RBFOX1: variants seen among roughly 807,000 people sequenced by gnomAD.
RBFOX1 encodes the protein RNA binding fox-1 homolog 1.
Under a neutral mutation model 57.7 loss-of-function variants are expected in RBFOX1, and 8 were observed. The observed-to-expected ratio is 0.14, with a 90% CI of 0.08 to 0.25. RBFOX1 has a LOEUF of 0.25. Ranked by LOEUF, RBFOX1 falls within the 10% of genes least tolerant of loss-of-function variation. The probability of loss-of-function intolerance (pLI) is 1.00; values close to 1 mark genes in which losing one functional copy is unlikely to be tolerated. For synonymous variants in RBFOX1, 326 were observed against 222.4 expected, an observed-to-expected ratio of 1.47 and a Z score of -4.15; for missense variants, 611 against 548.5, an observed-to-expected ratio of 1.11 and a Z score of -1.14.
chr16:6,277,876 A>T (rs955883248), intron 1 of RBFOX1, among the ~76,000 whole-genome samples: 7 of 152,032 alleles, frequency 4.6e-5, no homozygotes, highest in African/African-American at 1.7e-4. Context: ...TTGAGTCATG[A>T]TTCTGTAAAG....
chr16:6,128,051 C>G (rs2096602850), intron 1 of RBFOX1, among the ~76,000 whole-genome samples: 1 of 152,122 alleles, frequency 6.6e-6, no homozygotes, highest in African/African-American at 2.4e-5. Context: ...GCACATGTGA[C>G]TTCTCAGTAC....
At chr16:6,772,497 C>T (rs373711342) in intron 3 of RBFOX1, among the ~76,000 whole-genome samples, 1 of 141,334 alleles carries the variant, frequency 7.1e-6, no homozygotes, top group Admixed American at 7.0e-5. Context: ...GTATGGGGTG[C>T]GTTTGTGTTT....
intron 3 of RBFOX1, among the ~76,000 whole-genome samples, chr16:5,722,200 C>G (rs1204097972): frequency 6.6e-6 from 1 of 152,178 alleles, no homozygotes; most frequent in East Asian, 1.9e-4. Flanking sequence ...TTGTTAATTA[C>G]AGTATTTAAC....
chr16:6,991,109 C>G (rs921046163), intron 3 of RBFOX1, among the ~76,000 whole-genome samples: 27 of 131,056 alleles, frequency 2.1e-4, no homozygotes, highest in African/African-American at 7.9e-4. Flanking sequence ...CGAGGCCATC[C>G]TAGGCAACGT....
chr16:6,171,181 C>T, intron 1 of RBFOX1, among the ~76,000 whole-genome samples: 1 of 152,230 alleles, frequency 6.6e-6, no homozygotes, highest in East Asian at 1.9e-4. Flanking sequence ...TCCCTCTCTC[C>T]TTCTTTGTCT....
chr16:7,237,069 A>G (rs1378238879), intron 4 of RBFOX1, among the ~76,000 whole-genome samples: 1 of 152,172 alleles, frequency 6.6e-6, no homozygotes, highest in Non-Finnish European at 1.5e-5. Context: ...AGAGGTAGAG[A>G]GCTGTGTGGG....
At chr16:5,937,833 A>G (rs1432975036) in intron 4 of RBFOX1, among the ~76,000 whole-genome samples, 1 of 150,804 alleles carries the variant, frequency 6.6e-6, no homozygotes, top group South Asian at 2.1e-4. Flanking sequence ...CATAGTATAC[A>G]TACATATATA....
intron 4 of RBFOX1, among the ~76,000 whole-genome samples, chr16:5,891,145 C>T (rs2058036380): frequency 6.6e-6 from 1 of 152,172 alleles, no homozygotes; most frequent in Non-Finnish European, 1.5e-5. Flanking sequence ...TGCCTCTCTA[C>T]CCTCCTTAGG....
rs144478094 is a variant in RBFOX1 at position 6,288,861 on chromosome 16, G to A, written c.-126-28134G>A. ...CTGAATTGAATAGGGTTGGAATTCTGGATCTAAGGTCTAGTGGAACCAACA... is the reference window on the plus strand; with the variant it reads ...CTGAATTGAATAGGGTTGGAATTCTAGATCTAAGGTCTAGTGGAACCAACA... On this transcript the variant is annotated intron_variant, in intron 1 of 15. Coordinates refer to ENST00000550418, the MANE Select transcript of RBFOX1 (RefSeq NM_018723.4). Among the ~76,000 whole-genome samples the A allele has an allele frequency of 6.4e-4, 98 of 152,138 alleles. 1 individual carries two copies. The highest frequency in any genetic ancestry group is 2.3e-3 in the African/African-American group (97 of 41,514).
At chr16:5,862,055 G>C (rs1013762998) in intron 3 of RBFOX1, among the ~76,000 whole-genome samples, 24 of 152,152 alleles carry the variant, frequency 1.6e-4, no homozygotes, top group African/African-American at 5.8e-4. Context: ...TGTCCTTACA[G>C]CTCAAAAACC....
intron 4 of RBFOX1, among the ~76,000 whole-genome samples, chr16:7,465,057 T>C (rs556746508): frequency 6.6e-6 from 1 of 152,206 alleles, no homozygotes; most frequent in South Asian, 2.1e-4. Flanking sequence ...TTCCAGGGCA[T>C]GGCACGCCTC....
chr16:5,700,975 C>G (rs969380101), intron 3 of RBFOX1, among the ~76,000 whole-genome samples: 9 of 152,132 alleles, frequency 5.9e-5, no homozygotes, highest in Non-Finnish European at 8.8e-5. Context: ...CTACTACTTC[C>G]AAAAGGTAGA....
At chr16:7,703,973 G>A (rs1031065795) in intron 14 of RBFOX1, among the ~76,000 whole-genome samples, 1 of 152,196 alleles carries the variant, frequency 6.6e-6, no homozygotes, top group African/African-American at 2.4e-5. Flanking sequence ...AATCTAAGAA[G>A]CCATGTATCA....
intron 2 of RBFOX1, among the ~76,000 whole-genome samples, chr16:5,550,418 C>T (rs921311972): frequency 7.2e-5 from 11 of 152,318 alleles, no homozygotes; most frequent in African/African-American, 2.2e-4. Context: ...CTCTGATTAC[C>T]GCTCTGTTGG....
intron 4 of RBFOX1, among the ~76,000 whole-genome samples, chr16:7,096,625 C>A (rs945276254): frequency 3.9e-5 from 6 of 152,056 alleles, no homozygotes; most frequent in African/African-American, 1.4e-4. Flanking sequence ...TAGGAGTGGA[C>A]TTAGCCCCAG....
chr16:5,603,130 C>T (rs758809634), downstream of RBFOX1, among the ~76,000 whole-genome samples: 18 of 152,338 alleles, frequency 1.2e-4, no homozygotes, highest in East Asian at 1.9e-4. Flanking sequence ...CTGACCTCCA[C>T]CTGTCTGCTT....
At chr16:6,478,067 C>T (rs1256129597) in intron 2 of RBFOX1, among the ~76,000 whole-genome samples, 1 of 151,994 alleles carries the variant, frequency 6.6e-6, no homozygotes, top group Non-Finnish European at 1.5e-5. Context: ...TTTGATCTTC[C>T]ATCTAAACCA....
At chr16:6,235,186 A>G (rs927993410) in intron 1 of RBFOX1, among the ~76,000 whole-genome samples, 1 of 152,160 alleles carries the variant, frequency 6.6e-6, no homozygotes, top group African/African-American at 2.4e-5. Flanking sequence ...CTAAGAGTGC[A>G]GGGCTCTGCT....
chr16:6,819,727 A>AAC (rs2090916183), intron 3 of RBFOX1, among the ~76,000 whole-genome samples: 1 of 106,148 alleles, frequency 9.4e-6, no homozygotes, highest in African/African-American at 3.1e-5. Context: ...AAAAAAAAAA[A>AAC]AAAATAACAA....
Sources: allele counts gnomAD v4.1 joint callset (sites outside exome capture counted in the v4.1 genomes callset), GRCh38; gene constraint gnomAD v4.1.1; transcripts MANE v1.5; gene names NCBI Gene and HGNC (gene_info 2026-07-23, HGNC 2026-07-21).